The following PWP1 variants were observed in gnomAD, a reference collection of about 807,000 sequenced individuals.
The protein encoded by PWP1 is PWP1 homolog, endonuclein.
A neutral mutation model predicts 69.9 loss-of-function variants in PWP1; 47 were observed. That is an observed-to-expected ratio of 0.67 (90% CI 0.53 to 0.86). The LOEUF (loss-of-function observed/expected upper bound fraction) is 0.86, where lower values mean the gene tolerates loss of function less well. PWP1 is among the 40% of genes least tolerant of loss of function. The pLI, the probability that PWP1 is intolerant of heterozygous loss-of-function variation, is 0.00. For synonymous variants in PWP1, 222 were observed against 208.2 expected, an observed-to-expected ratio of 1.07 and a Z score of -0.57; for missense variants, 551 against 608.8, an observed-to-expected ratio of 0.91 and a Z score of 1.00.
chr12:107,699,521 C>A, intron 8 of PWP1, 87 bp downstream of exon 8: 1 of 1,090,398 alleles, frequency 9.2e-7, no homozygotes, highest in Non-Finnish European at 1.4e-6. Flanking sequence ...TTTATTTGTG[C>A]TGTGGACCTT....
intron 14 of PWP1, among the ~76,000 whole-genome samples, chr12:107,711,669 C>T (rs925048840): frequency 6.6e-6 from 1 of 152,134 alleles, no homozygotes; most frequent in Non-Finnish European, 1.5e-5. Flanking sequence ...TATATATCTC[C>T]CCACTGTATG....
chr12:107,690,242 C>T (rs1889453556), intron 3 of PWP1, among the ~76,000 whole-genome samples: 2 of 152,202 alleles, frequency 1.3e-5, no homozygotes, highest in Admixed American at 6.5e-5. Flanking sequence ...CAGAGCTGAG[C>T]GTGGTGGCTC....
chr12:107,686,128 A>G (rs921781653), intron 1 of PWP1, 157 bp downstream of exon 1: 65 of 745,814 alleles, frequency 8.7e-5, no homozygotes, highest in Non-Finnish European at 1.2e-4. Flanking sequence ...CTAGAGCTGC[A>G]GTTCAGAAGG....
At chr12:107,703,355 A>G (rs1300079049) in intron 9 of PWP1, among the ~76,000 whole-genome samples, 1 of 152,212 alleles carries the variant, frequency 6.6e-6, no homozygotes, top group Admixed American at 6.5e-5. Flanking sequence ...CAGGAATCTA[A>G]TGCAGATTAT....
At chr12:107,699,518 G>A in intron 8 of PWP1, 84 bp downstream of exon 8, 1 of 1,126,910 alleles carries the variant, frequency 8.9e-7, no homozygotes, top group South Asian at 1.4e-5. Context: ...CTCTTTATTT[G>A]TGCTGTGGAC....
Position 107,685,953 on chromosome 12 carries a change from C to A in PWP1, c.54C>A (p.Ala18=), listed in dbSNP as rs779860569. ...TGGCCTGGGTCCGCTGCGGCGTGGC[C>A]AAAGAGACACCAGACAAGGTGAGGC... ...TCVAWVRCGV[A]KETPDKVELS... The change falls in exon 1 of 15, where the codon GCC becomes GCA. Residue 18 remains alanine, a synonymous_variant. Transcript: ENST00000412830. The A allele has an allele frequency of 6.2e-7, 1 of 1,613,900 alleles. No homozygotes were observed. Among genetic ancestry groups the A allele is most frequent in the Non-Finnish European group, 8.5e-7 (1 of 1,179,960 alleles).
chr12:107,691,793 G>T (rs3825256), intron 3 of PWP1, among the ~76,000 whole-genome samples: 51,860 of 151,756 alleles, frequency 0.34, 9,406 homozygotes, highest in East Asian at 0.59. Context: ...TCATTCCTCC[G>T]TTTTCCTCAT....
chr12:107,697,593 A>G lies in PWP1; in HGVS notation c.740A>G (p.Lys247Arg), dbSNP rs1287947012. The G allele has an allele frequency of 6.3e-7, 1 of 1,598,648 alleles. No homozygotes were observed. The highest frequency in any genetic ancestry group is 8.5e-7 in the Non-Finnish European group (1 of 1,174,680). The part of the protein sequence containing the change: ...KLSKKKKKKG[K>R]KSSSAEGHTD... Reference sequence around the variant, plus strand: ...TCAAAAAAGAAGAAAAAGAAAGGAAAGAAGGTAAAGAAGTTAATAAATATT... The same window carrying G: ...TCAAAAAAGAAGAAAAAGAAAGGAAGGAAGGTAAAGAAGTTAATAAATATT... The change falls in exon 7 of 15, where the codon AAG becomes AGG. Residue 247 changes from lysine to arginine, a missense_variant. Physicochemically the swap from Lys to Arg is conservative, Grantham distance 26. Transcript: ENST00000412830.
chr12:107,704,815 G>A, intron 11 of PWP1, 68 bp downstream of exon 11: 1 of 1,265,876 alleles, frequency 7.9e-7, no homozygotes, highest in East Asian at 2.3e-5. Flanking sequence ...CCATAGTAGA[G>A]AGAATTATCT....
At chr12:107,698,032 T>C (rs1412950766) in intron 7 of PWP1, among the ~76,000 whole-genome samples, 2 of 152,246 alleles carry the variant, frequency 1.3e-5, no homozygotes, top group African/African-American at 4.8e-5. Flanking sequence ...TTGGGAGCTA[T>C]ATTGATACTT....
Position 107,712,422 on chromosome 12 carries a change from GT to G in PWP1, c.*204del, listed in dbSNP as rs1289821712. 6.9e-6 allele frequency: 3 copies of G among 435,134 alleles called. No individual in the cohort carries two copies. Among genetic ancestry groups the G allele is most frequent in the Non-Finnish European group, 1.2e-5 (3 of 245,052 alleles). The allele number at this position is 435,134 out of a possible 1,614,324, so 27.0% of individuals were successfully genotyped here. On this transcript the variant is annotated 3_prime_UTR_variant, in exon 15 of 15. Transcript: ENST00000412830. ...CAGATGGATGGTTTGTAAGGCTCTTGTTGCATTTCTTAAAAAAGAGTAATAA... is the reference window on the plus strand; with the variant it reads ...CAGATGGATGGTTTGTAAGGCTCTTGTGCATTTCTTAAAAAAGAGTAATAA...
chr12:107,691,903 G>A (rs1308608302), intron 3 of PWP1, among the ~76,000 whole-genome samples: 1 of 152,218 alleles, frequency 6.6e-6, no homozygotes, highest in Non-Finnish European at 1.5e-5. Context: ...GCGGCACACA[G>A]CTGGTGAAAG....
rs1164232007 is a variant in PWP1, at chr12:107,692,743, G to A, written c.320-71G>A. ...GATGATTGCATCTAAGTCCAAGAAT[G>A]GATGTCATAGGAAATATGTTTTTGT... On this transcript the variant is annotated intron_variant, in intron 3 of 14. Transcript: ENST00000412830. The A allele has an allele frequency of 7.8e-6, 10 of 1,285,022 alleles. No homozygotes were observed. In the African/African-American group the frequency reaches 1.3e-4, roughly 17 times the overall value. 79.6% of individuals were successfully genotyped at this position (1,285,022 alleles called of 1,614,324 possible). A position where few individuals can be genotyped will look rare whatever the true frequency, so the allele number is the denominator to read the frequency against.
intron 10 of PWP1, among the ~76,000 whole-genome samples, chr12:107,704,126 G>C (rs1889766744): frequency 6.6e-6 from 1 of 152,212 alleles, no homozygotes; most frequent in African/African-American, 2.4e-5. Flanking sequence ...TCTACAGGTA[G>C]GAGAAACAGA....
chr12:107,689,328 CAT>C (rs1247982975), intron 3 of PWP1, among the ~76,000 whole-genome samples: 1 of 152,068 alleles, frequency 6.6e-6, no homozygotes, highest in African/African-American at 2.4e-5. Flanking sequence ...ATAGGAAAAA[CAT>C]AATGTATATA....
In PWP1 at chr12:107,699,450, A is replaced by G. The variant is rs750680842; in HGVS notation, c.806+16A>G. ...AGCTAATCAGGTAAAAAGAAATAAC[A>G]TTTGAATGATTGTAAAAGACTGTAG... On this transcript the variant is annotated intron_variant, in intron 8 of 14. Coordinates refer to ENST00000412830, the MANE Select transcript of PWP1 (RefSeq NM_007062.3). 1 of 1,596,360 alleles carries G rather than the reference A, an allele frequency of 6.3e-7. No individual in the cohort carries two copies. The highest frequency in any genetic ancestry group is 8.6e-7 in the Non-Finnish European group (1 of 1,164,192).
chr12:107,699,075 G>A lies in PWP1; in HGVS notation c.745-298G>A, dbSNP rs529946390. On this transcript the variant is annotated intron_variant, in intron 7 of 14. Transcript: ENST00000412830. Reference sequence around the variant, plus strand: ...GGAGTTCCTGACCACCCTGGCCAACGTGGCAAAACCCTGTCTCCACAAAAA... The same window carrying A: ...GGAGTTCCTGACCACCCTGGCCAACATGGCAAAACCCTGTCTCCACAAAAA... 5.9e-5 allele frequency among the ~76,000 whole-genome samples: 9 copies of A among 152,240 alleles called. No homozygotes were observed. The South Asian group carries it at 1.2e-3, about 21-fold the overall frequency.
chr12:107,695,465 T>C (rs912918573), intron 5 of PWP1, among the ~76,000 whole-genome samples: 2 of 152,272 alleles, frequency 1.3e-5, no homozygotes, highest in Admixed American at 1.3e-4. Flanking sequence ...AATAAAATCC[T>C]TAATTTATTA....
rs56255249 is a variant in PWP1 at position 107,688,030 on chromosome 12, C to CAA, written c.73-389_73-388dup. Among the ~76,000 whole-genome samples the CAA allele has an allele frequency of 2.9e-3, 110 of 37,624 alleles. 13 individuals carry two copies. Among genetic ancestry groups the CAA allele is most frequent in the Non-Finnish European group, 3.5e-3 (81 of 22,850 alleles). 24.7% of individuals were successfully genotyped at this position (37,624 alleles called of 152,430 possible). A position where few individuals can be genotyped will look rare whatever the true frequency, so the allele number is the denominator to read the frequency against. On this transcript the variant is annotated intron_variant, in intron 1 of 14. Coordinates refer to ENST00000412830, the MANE Select transcript of PWP1 (RefSeq NM_007062.3). ...TGGGCAACAGAGCGAGACTCCGTCT[C>CAA]AAAAAAAAAAAAAAAAAAAAAAAAA...
Sources: allele counts gnomAD v4.1 joint callset (sites outside exome capture counted in the v4.1 genomes callset), GRCh38; gene constraint gnomAD v4.1.1; transcripts MANE v1.5; gene names NCBI Gene and HGNC (gene_info 2026-07-23, HGNC 2026-07-21).